PASK: variants seen among roughly 807,000 people sequenced by gnomAD.
The protein encoded by PASK is PAS domain-containing serine/threonine-protein kinase.
In PASK, 110 loss-of-function variants were observed where a neutral mutation model predicts 121.0. The ratio of observed to expected loss-of-function variants is 0.91; its 90% confidence interval spans 0.78 to 1.06. The LOEUF (loss-of-function observed/expected upper bound fraction) is 1.06. Ranked by LOEUF, PASK falls within the 50% of genes least tolerant of loss-of-function variation. PASK has a pLI of 0.00. For synonymous variants in PASK, 686 were observed against 717.8 expected, an observed-to-expected ratio of 0.96 and a Z score of 0.71; for missense variants, 1,643 against 1,702.3, an observed-to-expected ratio of 0.97 and a Z score of 0.61.
At position 241,135,914 on chromosome 2, in the gene PASK, G is replaced by C; in HGVS notation, c.1263C>G (p.Thr421=). ...GGTCCTGGCCCTGCCACGGGTCCAA[G>C]GTTCTCTCCCCACACCCACTCTCAT... ...VGNESGCGER[T]LDPWQGQDPA... The change falls in exon 8 of 18, where the codon ACC becomes ACG. Residue 421 remains threonine, a synonymous_variant. Coordinates refer to ENST00000234040, the MANE Select transcript of PASK (RefSeq NM_015148.4). 6 of 1,614,196 alleles carry C rather than the reference G, an allele frequency of 3.7e-6. No individual in the cohort carries two copies. Among genetic ancestry groups the C allele is most frequent in the Non-Finnish European group, 5.1e-6 (6 of 1,180,036 alleles).
intron 12 of PASK, among the ~76,000 whole-genome samples, chr2:241,121,849 G>A (rs530655466): frequency 5.9e-5 from 9 of 152,304 alleles, no homozygotes; most frequent in African/African-American, 2.2e-4. Context: ...TAAAATCTGG[G>A]AGGATTACAA....
At chr2:241,149,545 G>C, upstream of PASK, 1 of 1,028,236 alleles carries the variant, frequency 9.7e-7, no homozygotes, top group East Asian at 2.6e-5. Flanking sequence ...CCACTTGCGC[G>C]TATGGGCGGG....
intron 8 of PASK, chr2:241,133,525 CT>C: frequency 4.6e-6 from 1 of 219,316 alleles, no homozygotes; most frequent in Non-Finnish European, 9.2e-6. Context: ...CTCTTCCCCT[CT>C]TTGCCTTCCT....
At chr2:241,149,699 A>G (rs1014344695), upstream of PASK, 6 of 1,551,178 alleles carry the variant, frequency 3.9e-6, no homozygotes, top group African/African-American at 5.4e-5. Context: ...CCGACTCGCG[A>G]TCAAAATGGG....
chr2:241,143,631 G>A (rs976797295), intron 1 of PASK, among the ~76,000 whole-genome samples: 1 of 151,882 alleles, frequency 6.6e-6, no homozygotes, highest in Non-Finnish European at 1.5e-5. Flanking sequence ...GAGAGAGAGA[G>A]GAAAACAAAG....
intron 12 of PASK, among the ~76,000 whole-genome samples, chr2:241,119,763 C>A (rs1256538047): frequency 6.6e-6 from 1 of 152,190 alleles, no homozygotes; most frequent in East Asian, 1.9e-4. Flanking sequence ...AGCCACCGCG[C>A]CCGGCCTGCA....
intron 12 of PASK, among the ~76,000 whole-genome samples, chr2:241,120,028 AAATT>A (rs1282183568): frequency 1.3e-5 from 2 of 151,342 alleles, no homozygotes; most frequent in African/African-American, 2.5e-5. Flanking sequence ...ATAAATAATA[AAATT>A]AATAAAATAA....
intron 1 of PASK, among the ~76,000 whole-genome samples, chr2:241,146,372 A>T (rs1398958539): frequency 6.6e-6 from 1 of 152,220 alleles, no homozygotes; most frequent in Non-Finnish European, 1.5e-5. Flanking sequence ...AAATTTTTGC[A>T]AACAGATAAG....
Position 241,122,864 on chromosome 2 carries a change from G to A in PASK, c.2940C>T (p.Pro980=), listed in dbSNP as rs2065679907. 6.2e-7 allele frequency: 1 copy of A among 1,614,078 alleles called. No homozygotes were observed. Among genetic ancestry groups the A allele is most frequent in the Non-Finnish European group, 8.5e-7 (1 of 1,179,950 alleles). ...LRARPWFEEP[P]KAVELEGLAA... ...CCAACCCCTCCAGTTCCACAGCCTT[G>A]GGGGGCTCCTCAAACCAGGGTCTGG... Residue 980 remains proline, a synonymous_variant, in exon 12 of 18, where the codon CCC becomes CCT. Coordinates refer to ENST00000234040, the MANE Select transcript of PASK (RefSeq NM_015148.4).
In PASK at chr2:241,137,015, G is replaced by T. The variant is rs2066465364; in HGVS notation, c.1126C>A (p.Leu376Ile). Residue 376 changes from leucine (L) to isoleucine (I), a missense_variant, in exon 7 of 18, where the codon CTC (leucine) becomes ATC (isoleucine). Leu to Ile is a conservative substitution (Grantham distance 5). Around this residue, in one of 3 missense-constraint regions of PASK, gnomAD observed 1,176 missense variants for 1,162.2 expected, o/e 1.01. Coordinates refer to ENST00000234040, the MANE Select transcript of PASK (RefSeq NM_015148.4). ...CAGGGCAGCCCCACCTTGCCCAGGA[G>T]CTCCGTCTTTCCGTAACCAAACAGT... ...LTLFGYGKTE[L>I]LGKNITFLIP... The T allele has an allele frequency of 6.2e-7, 1 of 1,612,934 alleles. No individual in the cohort carries two copies.
intron 2 of PASK, among the ~76,000 whole-genome samples, chr2:241,141,402 G>A (rs1233292607): frequency 6.6e-6 from 1 of 152,082 alleles, no homozygotes; most frequent in Admixed American, 6.6e-5. Flanking sequence ...CTCCTCCTTG[G>A]AAGCGTTCCT....
In PASK at chr2:241,133,004, C is replaced by T. The variant is rs2066237656; in HGVS notation, c.1333G>A (p.Gly445Ser). The change falls in exon 9 of 18, where the codon GGT becomes AGT. Residue 445 changes from glycine to serine, a missense_variant. Physicochemically the swap from Gly to Ser is moderately conservative, Grantham distance 56. Around this residue, in one of 3 missense-constraint regions of PASK, gnomAD observed 1,176 missense variants for 1,162.2 expected, o/e 1.01. Transcript: ENST00000234040. ...QDPRINVVLAGGHVVPRDEIR... is the reference protein window; with the variant it reads ...QDPRINVVLASGHVVPRDEIR... ...TCATCTCGGGGCACAACGTGGCCAC[C>T]AGCAAGCACGACATTAATCCTTGGA... is the stretch of plus-strand genomic sequence containing the variant. 1.2e-6 allele frequency: 2 copies of T among 1,614,150 alleles called. No individual in the cohort carries two copies. The highest frequency in any genetic ancestry group is 1.7e-5 in the Admixed American group (1 of 60,030).
chr2:241,145,221 C>T (rs1423631951), intron 1 of PASK, among the ~76,000 whole-genome samples: 1 of 152,144 alleles, frequency 6.6e-6, no homozygotes, highest in Non-Finnish European at 1.5e-5. Flanking sequence ...CCGACTTCTC[C>T]CTGTTTGTAT....
intron 8 of PASK, 95 bp from the exon 9 acceptor site, chr2:241,133,125 A>G (rs1201745173): frequency 8.1e-7 from 1 of 1,236,766 alleles, no homozygotes; most frequent in Non-Finnish European, 1.2e-6. Context: ...ACTGCTTCAC[A>G]GCATGACCAG....
Position 241,135,938 on chromosome 2 carries a change from A to G in PASK, c.1239T>C (p.Asn413=). The G allele has an allele frequency of 6.2e-7, 1 of 1,612,338 alleles. No homozygotes were observed. Among genetic ancestry groups the G allele is most frequent in the Non-Finnish European group, 8.5e-7 (1 of 1,178,418 alleles). ...PDLASCLDVG[N]ESGCGERTLD... ...AGGTTCTCTCCCCACACCCACTCTC[A>G]TTGCCGACGTCCAGGCAGCTGGCCA... Residue 413 remains asparagine, a synonymous_variant, in exon 8 of 18, where the codon AAT becomes AAC. Coordinates refer to ENST00000234040, the MANE Select transcript of PASK (RefSeq NM_015148.4).
At chr2:241,134,985 G>C (rs2066339101) in intron 8 of PASK, among the ~76,000 whole-genome samples, 1 of 152,220 alleles carries the variant, frequency 6.6e-6, no homozygotes, top group Admixed American at 6.5e-5. Context: ...TTGTCAACAA[G>C]AATGAGCACT....
At chr2:241,121,726 T>C (rs1559368243) in intron 12 of PASK, among the ~76,000 whole-genome samples, 1 of 152,246 alleles carries the variant, frequency 6.6e-6, no homozygotes, top group African/African-American at 2.4e-5. Context: ...GTCATACTAA[T>C]ATCAAAGTAG....
chr2:241,127,420 C>G lies in PASK; in HGVS notation c.1495G>C (p.Val499Leu). Residue 499 changes from valine (V) to leucine (L), a missense_variant, in exon 10 of 18, where the codon GTG becomes CTG. Transcript: ENST00000234040. ...VDNVPEGSLP[V>L]HGEQALPKDQ... is the part of the protein sequence containing the mutation. Reference sequence around the variant, plus strand: ...TTGGGCAGCGCCTGTTCACCGTGCACTGGCAGGCTTCCTTCTGGGACATTG... The same window carrying G: ...TTGGGCAGCGCCTGTTCACCGTGCAGTGGCAGGCTTCCTTCTGGGACATTG... 6.2e-7 allele frequency: 1 copy of G among 1,614,144 alleles called. No individual in the cohort carries two copies. Among genetic ancestry groups the G allele is most frequent in the South Asian group, 1.1e-5 (1 of 91,080 alleles).
At chr2:241,130,557 C>T (rs1201049786) in intron 9 of PASK, among the ~76,000 whole-genome samples, 1 of 152,154 alleles carries the variant, frequency 6.6e-6, no homozygotes, top group African/African-American at 2.4e-5. Context: ...CCCACTTCAG[C>T]TTGGTGGCAC....
Sources: allele counts gnomAD v4.1 joint callset (sites outside exome capture counted in the v4.1 genomes callset), GRCh38; gene constraint gnomAD v4.1.1; regional missense constraint gnomAD v4.1.1; transcripts MANE v1.5; gene names NCBI Gene and HGNC (gene_info 2026-07-23, HGNC 2026-07-21).